The following CADM2 variants were observed in gnomAD, a reference collection of about 807,000 sequenced individuals.
CADM2 encodes the protein immunoglobulin superfamily member 4D.
In CADM2, 12 loss-of-function variants were observed where a neutral mutation model predicts 49.8. The ratio of observed to expected loss-of-function variants is 0.24; its 90% confidence interval spans 0.15 to 0.39. The LOEUF is 0.39. Among genes scored for constraint, CADM2 ranks in the 10% least tolerant of loss-of-function variants. The pLI is 1.00. For missense variants in CADM2, 378 were observed against 492.3 expected, an observed-to-expected ratio of 0.77 and a Z score of 2.20; for synonymous variants, 214 against 175.4, an observed-to-expected ratio of 1.22 and a Z score of -1.74.
chr3:85,309,112 C>G (rs2107036380), intron 1 of CADM2, among the ~76,000 whole-genome samples: 1 of 152,016 alleles, frequency 6.6e-6, no homozygotes, highest in African/African-American at 2.4e-5. Flanking sequence ...TTACACGTGC[C>G]ATAATTTATG....
chr3:85,206,397 T>TC (rs2041636612), intron 1 of CADM2, among the ~76,000 whole-genome samples: 1 of 148,592 alleles, frequency 6.7e-6, no homozygotes, highest in Non-Finnish European at 1.5e-5. Flanking sequence ...AAGCTCCGCC[T>TC]CCCAGGTTCA....
chr3:84,974,902 A>C (rs149379124), intron 1 of CADM2, among the ~76,000 whole-genome samples: 39 of 152,066 alleles, frequency 2.6e-4, no homozygotes, highest in African/African-American at 8.9e-4. Flanking sequence ...TATTAGAGTC[A>C]GAAGTTAAAA....
At chr3:85,333,448 T>TC in intron 1 of CADM2, among the ~76,000 whole-genome samples, 1 of 151,806 alleles carries the variant, frequency 6.6e-6, no homozygotes, top group Non-Finnish European at 1.5e-5. Context: ...AAACAACTTT[T>TC]TAGTGATAAA....
chr3:85,188,712 T>C (rs2041126201), intron 1 of CADM2, among the ~76,000 whole-genome samples: 1 of 152,068 alleles, frequency 6.6e-6, no homozygotes, highest in African/African-American at 2.4e-5. Flanking sequence ...TCCCTTGATA[T>C]TATATCATTT....
intron 1 of CADM2, among the ~76,000 whole-genome samples, chr3:85,515,204 T>C (rs572441810): frequency 2.6e-5 from 4 of 152,236 alleles, no homozygotes; most frequent in Non-Finnish European, 5.9e-5. Context: ...AATAATACTC[T>C]AAACAATAAT....
At chr3:85,360,414 C>A (rs1035130473) in intron 1 of CADM2, among the ~76,000 whole-genome samples, 2 of 152,144 alleles carry the variant, frequency 1.3e-5, no homozygotes, top group Non-Finnish European at 2.9e-5. Context: ...TAAAAGCTGA[C>A]TTACACAAAT....
At chr3:85,123,743 T>C (rs1024125745) in intron 1 of CADM2, among the ~76,000 whole-genome samples, 2 of 152,164 alleles carry the variant, frequency 1.3e-5, no homozygotes, top group African/African-American at 2.4e-5. Flanking sequence ...AAATCTGTCC[T>C]TCTATGCTTT....
At chr3:85,517,880 T>C (rs1360380530) in intron 1 of CADM2, among the ~76,000 whole-genome samples, 1 of 152,172 alleles carries the variant, frequency 6.6e-6, no homozygotes, top group African/African-American at 2.4e-5. Context: ...TTTGTAGGGG[T>C]AGGGAATGGC....
chr3:86,018,752 A>T lies in CADM2; in HGVS notation c.971-46853A>T, dbSNP rs942458630. ...TGGTTTATTCTTGTAAATTTGTTTG[A>T]GTTCATTGTAGATTCTGGATATTAG... On this transcript the variant is annotated intron_variant, in intron 8 of 9. Coordinates refer to ENST00000383699, the MANE Select transcript of CADM2 (RefSeq NM_001167675.2). Among the ~76,000 whole-genome samples, 21 of 152,028 alleles carry T rather than the reference A, an allele frequency of 1.4e-4. 1 individual carries two copies. The highest frequency in any genetic ancestry group is 7.4e-5 in the Non-Finnish European group (5 of 67,996).
chr3:85,708,727 T>C (rs1043331992), intron 1 of CADM2, among the ~76,000 whole-genome samples: 1 of 152,198 alleles, frequency 6.6e-6, no homozygotes, highest in Non-Finnish European at 1.5e-5. Context: ...TTATTTAACA[T>C]TGACTATACA....
intron 1 of CADM2, among the ~76,000 whole-genome samples, chr3:84,986,421 A>T (rs1201739793): frequency 6.6e-6 from 1 of 152,190 alleles, no homozygotes; most frequent in African/African-American, 2.4e-5. Flanking sequence ...TGCAATTCTC[A>T]AATGAATATA....
chr3:85,772,652 A>G (rs2107959205), intron 2 of CADM2, among the ~76,000 whole-genome samples: 1 of 152,226 alleles, frequency 6.6e-6, no homozygotes, highest in South Asian at 2.1e-4. Context: ...AGCAGCCAGG[A>G]AACTGGCATT....
Position 85,043,802 on chromosome 3 carries a change from C to A in CADM2, c.61+84134C>A, listed in dbSNP as rs151243244. On this transcript the variant is annotated intron_variant, in intron 1 of 9. Coordinates refer to ENST00000383699, the MANE Select transcript of CADM2 (RefSeq NM_001167675.2). ...TATCCTTGTCTGGGGTACACAAAGC[C>A]ACTTAGAAGAAACCATACTTTTGCT... Among the ~76,000 whole-genome samples the A allele has an allele frequency of 3.0e-3, 453 of 152,194 alleles. 5 individuals carry two copies. The highest frequency in any genetic ancestry group is 0.01 in the African/African-American group (421 of 41,524).
intron 1 of CADM2, among the ~76,000 whole-genome samples, chr3:85,609,264 C>T (rs1335659642): frequency 1.3e-5 from 2 of 152,138 alleles, no homozygotes; most frequent in South Asian, 2.1e-4. Flanking sequence ...TGACATGCAC[C>T]TGTCTAGTCC....
intron 2 of CADM2, among the ~76,000 whole-genome samples, chr3:85,738,740 T>C (rs2107817938): frequency 6.6e-6 from 1 of 152,322 alleles, no homozygotes; most frequent in East Asian, 1.9e-4. Context: ...AGGAGATTTC[T>C]TAAAACAAAC....
At chr3:85,167,748 TATC>T (rs2040508879) in intron 1 of CADM2, among the ~76,000 whole-genome samples, 1 of 152,194 alleles carries the variant, frequency 6.6e-6, no homozygotes, top group African/African-American at 2.4e-5. Flanking sequence ...AAAACTTCCT[TATC>T]ATATAAGTAG....
chr3:85,737,702 C>T (rs1182503263), intron 2 of CADM2, among the ~76,000 whole-genome samples: 5 of 151,670 alleles, frequency 3.3e-5, no homozygotes, highest in African/African-American at 7.3e-5. Context: ...GGACTACAGG[C>T]GCCCACCACC....
chr3:85,715,115 T>C (rs559152192), intron 1 of CADM2, among the ~76,000 whole-genome samples: 1 of 152,274 alleles, frequency 6.6e-6, no homozygotes, highest in East Asian at 1.9e-4. Flanking sequence ...TATACACACA[T>C]ATATATATGC....
intron 1 of CADM2, among the ~76,000 whole-genome samples, chr3:85,049,509 C>A (rs577566015): frequency 1.2e-4 from 18 of 152,072 alleles, no homozygotes; most frequent in Admixed American, 1.1e-3. Flanking sequence ...CACCACCACA[C>A]CCGGCTATTT....
Sources: allele counts gnomAD v4.1 joint callset (sites outside exome capture counted in the v4.1 genomes callset), GRCh38; gene constraint gnomAD v4.1.1; transcripts MANE v1.5; gene names NCBI Gene and HGNC (gene_info 2026-07-23, HGNC 2026-07-21).